Variants in CMIP observed in about 807,000 individuals in gnomAD.
The protein encoded by CMIP is c-Maf inducing protein.
A neutral mutation model predicts 97.3 loss-of-function variants in CMIP; 13 were observed. The observed-to-expected ratio is 0.13, with a 90% CI of 0.09 to 0.21. CMIP has a LOEUF of 0.21. Among genes scored for constraint, CMIP ranks in the 10% least tolerant of loss-of-function variants. The pLI is 1.00. For missense variants in CMIP, 847 were observed against 1,024.9 expected (o/e 0.83, Z 2.37); for synonymous variants, 538 against 436.3 (o/e 1.23, Z -2.91).
At chr16:81,595,101 G>A (rs185556049) in intron 1 of CMIP, among the ~76,000 whole-genome samples, 1 of 151,322 alleles carries the variant, frequency 6.6e-6, no homozygotes, top group Admixed American at 6.6e-5. Flanking sequence ...TTGACCACTG[G>A]TAACTGAAAC....
intron 1 of CMIP, among the ~76,000 whole-genome samples, chr16:81,595,962 A>G (rs2091548630): frequency 2.0e-5 from 3 of 152,180 alleles, no homozygotes; most frequent in Admixed American, 1.3e-4. Flanking sequence ...ATTTTACAAA[A>G]AGCTGCCTGC....
chr16:81,501,930 C>G (rs2089621246), intron 1 of CMIP, among the ~76,000 whole-genome samples: 1 of 152,168 alleles, frequency 6.6e-6, no homozygotes, highest in Non-Finnish European at 1.5e-5. Flanking sequence ...TGACTTAAGT[C>G]CTTGTGCCTT....
intron 1 of CMIP, among the ~76,000 whole-genome samples, chr16:81,457,791 A>C (rs943993498): frequency 1.3e-5 from 2 of 152,214 alleles, no homozygotes; most frequent in Admixed American, 1.3e-4. Flanking sequence ...AGGAGGTCTG[A>C]AAAACAATGT....
intron 1 of CMIP, among the ~76,000 whole-genome samples, chr16:81,503,723 G>T (rs1236522846): frequency 6.6e-6 from 1 of 152,232 alleles, no homozygotes; most frequent in Non-Finnish European, 1.5e-5. Context: ...TGCCAGTCTG[G>T]TCACCTTATC....
At chr16:81,645,138 T>C (rs1053925205) in intron 3 of CMIP, among the ~76,000 whole-genome samples, 14 of 152,384 alleles carry the variant, frequency 9.2e-5, no homozygotes, top group East Asian at 3.9e-4. Flanking sequence ...TTGTATTTCA[T>C]TTTAATGAAG....
chr16:81,599,424 C>T (rs1483920335), intron 1 of CMIP, among the ~76,000 whole-genome samples: 5 of 152,156 alleles, frequency 3.3e-5, no homozygotes, highest in Non-Finnish European at 5.9e-5. Context: ...ACGGGCCTTC[C>T]CCAAATGAGC....
At chr16:81,493,927 A>C (rs2150769232) in intron 1 of CMIP, among the ~76,000 whole-genome samples, 1 of 152,322 alleles carries the variant, frequency 6.6e-6, no homozygotes, top group Non-Finnish European at 1.5e-5. Context: ...TCGCCTGTAC[A>C]CTGGTGCTTC....
chr16:81,643,387 G>C (rs888074119), intron 3 of CMIP, among the ~76,000 whole-genome samples: 5 of 152,226 alleles, frequency 3.3e-5, no homozygotes, highest in African/African-American at 9.6e-5. Flanking sequence ...GAGTACAATA[G>C]GAAGTAACAG....
intron 20 of CMIP, among the ~76,000 whole-genome samples, chr16:81,709,279 G>A (rs1266035241): frequency 5.9e-5 from 9 of 152,104 alleles, no homozygotes; most frequent in Admixed American, 3.3e-4. Flanking sequence ...GTAAAAATGA[G>A]AACAATTTCC....
intron 1 of CMIP, among the ~76,000 whole-genome samples, chr16:81,514,442 G>T (rs1182162257): frequency 6.6e-6 from 1 of 152,174 alleles, no homozygotes; most frequent in Non-Finnish European, 1.5e-5. Flanking sequence ...GACCATCCAG[G>T]TTCCAACCCA....
chr16:81,668,156 A>T (rs2092631119), intron 7 of CMIP, among the ~76,000 whole-genome samples: 2 of 152,058 alleles, frequency 1.3e-5, no homozygotes, highest in South Asian at 4.1e-4. Flanking sequence ...TGCTCTCCTT[A>T]AAAAATGGGT....
Position 81,709,943 on chromosome 16 carries a change from GA to G in CMIP, c.*145del, listed in dbSNP as rs1908577047. On this transcript the variant is annotated 3_prime_UTR_variant, in exon 21 of 21. Transcript: ENST00000537098. Reference sequence around the variant, plus strand: ...GGAGTCTTTCTGGGGGCGGAGGGGGGAGGGGGTGGGGAGGGGGCCCACAAGC... The same window carrying G: ...GGAGTCTTTCTGGGGGCGGAGGGGGGGGGGGTGGGGAGGGGGCCCACAAGC... 1.6e-6 allele frequency: 1 copy of G among 607,174 alleles called. No individual in the cohort carries two copies. Among genetic ancestry groups the G allele is most frequent in the Non-Finnish European group, 2.9e-6 (1 of 339,824 alleles). The allele number at this position is 607,174 out of a possible 1,614,324, so 37.6% of individuals were successfully genotyped here.
intron 1 of CMIP, among the ~76,000 whole-genome samples, chr16:81,593,802 G>T (rs1243176899): frequency 6.6e-6 from 1 of 152,174 alleles, no homozygotes; most frequent in Non-Finnish European, 1.5e-5. Context: ...GAGTCTGGGG[G>T]AGGGGGCAGC....
rs1906074443 is a variant in CMIP, at chr16:81,691,534, T to C, written c.1389-241T>C. Reference sequence around the variant, plus strand: ...AAAGGGCATTGTGAAGTCTGGGGAATAGACAGCTCACCCCCTCGGGTGCCA... The same window carrying C: ...AAAGGGCATTGTGAAGTCTGGGGAACAGACAGCTCACCCCCTCGGGTGCCA... On this transcript the variant is annotated intron_variant, in intron 10 of 20. Coordinates refer to ENST00000537098, the MANE Select transcript of CMIP (RefSeq NM_198390.3). 3 of 575,996 alleles carry C rather than the reference T, an allele frequency of 5.2e-6. No individual in the cohort carries two copies. In the Admixed American group the frequency reaches 9.1e-5, roughly 17 times the overall value. The allele number at this position is 575,996 out of a possible 1,614,324, so 35.7% of individuals were successfully genotyped here.
intron 1 of CMIP, among the ~76,000 whole-genome samples, chr16:81,455,352 T>A (rs1906480957): frequency 6.6e-6 from 1 of 152,190 alleles, no homozygotes; most frequent in African/African-American, 2.4e-5. Context: ...CTCTCTCCAT[T>A]TTACCGATGG....
chr16:81,484,036 A>T (rs373648631), intron 1 of CMIP, among the ~76,000 whole-genome samples: 1 of 152,164 alleles, frequency 6.6e-6, no homozygotes, highest in African/African-American at 2.4e-5. Flanking sequence ...TTTGTTAAAC[A>T]CCTACTGTGT....
chr16:81,575,363 C>T (rs759595068), intron 1 of CMIP, among the ~76,000 whole-genome samples: 4 of 152,172 alleles, frequency 2.6e-5, no homozygotes, highest in Non-Finnish European at 5.9e-5. Flanking sequence ...TCTCCCCACA[C>T]CATCAGTGGA....
chr16:81,521,921 G>A (rs1238225209), intron 1 of CMIP, among the ~76,000 whole-genome samples: 1 of 152,202 alleles, frequency 6.6e-6, no homozygotes, highest in African/African-American at 2.4e-5. Flanking sequence ...AAAGGCCAGT[G>A]TCTGATACAG....
intron 1 of CMIP, among the ~76,000 whole-genome samples, chr16:81,581,857 G>A (rs2091301547): frequency 6.6e-6 from 1 of 152,172 alleles, no homozygotes; most frequent in Admixed American, 6.5e-5. Flanking sequence ...TCTCTGCAGA[G>A]GGGCCTTGTA....
Sources: gnomAD v4.1 joint callset for allele counts (sites outside exome capture counted in the v4.1 genomes callset) on GRCh38, gnomAD v4.1.1 for gene constraint, MANE v1.5 for transcripts, NCBI Gene and HGNC (gene_info 2026-07-23, HGNC 2026-07-21) for gene names.